The following HIGD1C variants were observed in gnomAD, a reference collection of about 807,000 sequenced individuals.
HIGD1C encodes the protein HIG1 hypoxia inducible domain family member 1C, also known as HIG1 domain family member 1C.
A neutral mutation model predicts 13.1 loss-of-function variants in HIGD1C; 11 were observed. That is an observed-to-expected ratio of 0.84 (90% CI 0.53 to 1.39). The LOEUF (loss-of-function observed/expected upper bound fraction) is 1.39, where lower values mean the gene tolerates loss of function less well. Among genes scored for constraint, HIGD1C ranks in the 40% most tolerant of loss-of-function variants. The pLI is 0.00. For synonymous variants in HIGD1C, 36 were observed against 37.7 expected, an observed-to-expected ratio of 0.95 and a Z score of 0.17; for missense variants, 110 against 112.0, an observed-to-expected ratio of 0.98 and a Z score of 0.08.
the HIGD1C span, among the ~76,000 whole-genome samples, chr12:50,948,152 C>G: frequency 1.8e-4 from 28 of 152,302 alleles, 1 homozygote; most frequent in African/African-American, 6.5e-4. Context: ...TTTCTGGAAC[C>G]TTCCCTACAT....
the HIGD1C span, among the ~76,000 whole-genome samples, chr12:50,938,994 A>C: frequency 2.0e-5 from 3 of 152,192 alleles, no homozygotes; most frequent in South Asian, 6.2e-4. Context: ...GGTACAAAGA[A>C]GTGGCTTCCT....
chr12:50,937,017 C>A, the HIGD1C span, among the ~76,000 whole-genome samples: 1 of 152,244 alleles, frequency 6.6e-6, no homozygotes, highest in African/African-American at 2.4e-5. Flanking sequence ...TGATTTCACA[C>A]CAGCAATTTC....
chr12:50,948,576 A>G, the HIGD1C span, among the ~76,000 whole-genome samples: 2 of 151,550 alleles, frequency 1.3e-5, no homozygotes, highest in Non-Finnish European at 2.9e-5. Flanking sequence ...ACCTTCAATA[A>G]TATAAAAACA....
At chr12:50,948,756 C>T in the HIGD1C span, among the ~76,000 whole-genome samples, 1 of 144,996 alleles carries the variant, frequency 6.9e-6, no homozygotes, top group South Asian at 2.3e-4. Flanking sequence ...TAGTTCCTTC[C>T]AGCTACTTGG....
intron 2 of HIGD1C, among the ~76,000 whole-genome samples, chr12:50,962,236 C>T (rs925986296): frequency 1.3e-5 from 2 of 148,284 alleles, no homozygotes; most frequent in African/African-American, 5.0e-5. Context: ...AAAAATTACA[C>T]ACACACACAC....
At chr12:50,943,235 G>A in the HIGD1C span, among the ~76,000 whole-genome samples, 3 of 152,030 alleles carry the variant, frequency 2.0e-5, no homozygotes, top group African/African-American at 4.8e-5. Flanking sequence ...TGGTCCTCAC[G>A]CTTTATCCTC....
At chr12:50,965,187 C>T (rs578045221) in intron 2 of HIGD1C, among the ~76,000 whole-genome samples, 4 of 152,142 alleles carry the variant, frequency 2.6e-5, no homozygotes, top group South Asian at 2.1e-4. Flanking sequence ...GATCATGGCT[C>T]GCTACAGCCC....
At chr12:50,966,907 G>A (rs924432608) in intron 2 of HIGD1C, among the ~76,000 whole-genome samples, 1 of 152,106 alleles carries the variant, frequency 6.6e-6, no homozygotes, top group Admixed American at 6.6e-5. Context: ...TTTGAGGTCA[G>A]GAGTTCGAGA....
At chr12:50,932,594 T>C in the HIGD1C span, 1 of 152,210 alleles carries the variant, frequency 6.6e-6, no homozygotes, top group African/African-American at 2.4e-5. Context: ...TTTTAGCTAT[T>C]TAAACATGTA....
chr12:50,938,523 A>C, the HIGD1C span, among the ~76,000 whole-genome samples: 19 of 152,160 alleles, frequency 1.2e-4, no homozygotes, highest in Non-Finnish European at 1.2e-4. Flanking sequence ...GTGCCCCACC[A>C]ACTCAGTAGG....
chr12:50,972,312 C>A (rs1939782353), downstream of HIGD1C, among the ~76,000 whole-genome samples: 1 of 152,058 alleles, frequency 6.6e-6, no homozygotes, highest in African/African-American at 2.4e-5. Flanking sequence ...TCTGAGAAAG[C>A]TAAAGTAATA....
chr12:50,951,948 T>G (rs1180377608), upstream of HIGD1C, among the ~76,000 whole-genome samples: 1 of 130,926 alleles, frequency 7.6e-6, no homozygotes, highest in Non-Finnish European at 1.6e-5. Flanking sequence ...GAAAAAAAAA[T>G]CAAGGTCAAG....
At chr12:50,941,161 C>A in the HIGD1C span, among the ~76,000 whole-genome samples, 1 of 152,024 alleles carries the variant, frequency 6.6e-6, no homozygotes, top group East Asian at 1.9e-4. Context: ...TGAATTTTTT[C>A]ATTTTTAGTA....
chr12:50,962,842 A>T (rs1939389482), intron 2 of HIGD1C, among the ~76,000 whole-genome samples: 1 of 152,184 alleles, frequency 6.6e-6, no homozygotes, highest in African/African-American at 2.4e-5. Context: ...CTAAGCAGAG[A>T]AGGACCTCAG....
At chr12:50,952,674 G>A (rs1357627586), upstream of HIGD1C, among the ~76,000 whole-genome samples, 4 of 152,106 alleles carry the variant, frequency 2.6e-5, no homozygotes, top group African/African-American at 9.7e-5. Context: ...TGTGCAGCTC[G>A]AGGCTTTGCA....
chr12:50,962,231 TTA>T (rs1491243325), intron 2 of HIGD1C, among the ~76,000 whole-genome samples: 1 of 113,308 alleles, frequency 8.8e-6, no homozygotes, highest in African/African-American at 3.4e-5. Context: ...ACTAAAAAAA[TTA>T]CACACACACA....
chr12:50,949,042 T>C (rs947770898), upstream of HIGD1C: 9 of 150,588 alleles, frequency 6.0e-5, no homozygotes, highest in Admixed American at 2.0e-4. Flanking sequence ...GGAGAGCATT[T>C]AAACTATGCT....
upstream of HIGD1C, among the ~76,000 whole-genome samples, chr12:50,949,572 C>G (rs898546573): frequency 1.7e-5 from 2 of 116,556 alleles, no homozygotes; most frequent in African/African-American, 6.7e-5. Context: ...CTCACTCTGT[C>G]GTCCAGGCTG....
the HIGD1C span, among the ~76,000 whole-genome samples, chr12:50,941,326 G>A: frequency 6.6e-6 from 1 of 152,226 alleles, no homozygotes; most frequent in Admixed American, 6.5e-5. Context: ...ATTGGAGAAA[G>A]TGAACTATTA....
Sources: gnomAD v4.1 joint callset for allele counts (sites outside exome capture counted in the v4.1 genomes callset) on GRCh38, gnomAD v4.1.1 for gene constraint, MANE v1.5 for transcripts, NCBI Gene and HGNC (gene_info 2026-07-23, HGNC 2026-07-21) for gene names.